ENAH: variants seen among roughly 807,000 people sequenced by gnomAD.
ENAH encodes protein enabled homolog.
Under a neutral mutation model 78.7 loss-of-function variants are expected in ENAH, and 23 were observed. The ratio of observed to expected loss-of-function variants is 0.29; its 90% CI spans 0.21 to 0.41. The LOEUF is 0.41. Among genes scored for constraint, ENAH ranks in the 10% least tolerant of loss-of-function variants. ENAH has a pLI of 1.00. For synonymous variants in ENAH, 226 were observed against 241.0 expected, an observed-to-expected ratio of 0.94 and a Z score of 0.58; for missense variants, 544 against 691.0, an observed-to-expected ratio of 0.79 and a Z score of 2.39.
chr1:225,600,126 A>G (rs905293804), intron 1 of ENAH, among the ~76,000 whole-genome samples: 2 of 152,222 alleles, frequency 1.3e-5, no homozygotes, highest in African/African-American at 2.4e-5. Context: ...CCATGAGCCA[A>G]TTAAACCTCT....
chr1:225,546,657 G>C (rs1237338184), intron 3 of ENAH, among the ~76,000 whole-genome samples: 1 of 152,174 alleles, frequency 6.6e-6, no homozygotes, highest in African/African-American at 2.4e-5. Context: ...AGGCTTTGAG[G>C]TATAACAGGT....
chr1:225,636,708 C>T (rs1394266170), intron 1 of ENAH, among the ~76,000 whole-genome samples: 1 of 151,964 alleles, frequency 6.6e-6, no homozygotes, highest in East Asian at 1.9e-4. Context: ...AATGAGAAGG[C>T]CAAAAACAAT....
In ENAH at chr1:225,530,631, T is replaced by C. The variant is rs774674945; in HGVS notation, c.357A>G (p.Thr119=). 1 of 1,612,684 alleles carries C rather than the reference T, an allele frequency of 6.2e-7. No homozygotes were observed. The highest frequency in any genetic ancestry group is 8.5e-7 in the Non-Finnish European group (1 of 1,178,850). The change falls in exon 4 of 14, where the codon ACA becomes ACG. Residue 119 remains threonine (T), a synonymous_variant. Coordinates refer to ENST00000366843, the MANE Select transcript of ENAH (RefSeq NM_018212.6). ...EVLNSQETGP[T]LPRQNSQLPA... ...GTAGTTGTGAGTTTTGTCTAGGCAATGTTGGCCCTACAGAGGGAGAAAACA... is the reference window on the plus strand; with the variant it reads ...GTAGTTGTGAGTTTTGTCTAGGCAACGTTGGCCCTACAGAGGGAGAAAACA...
At chr1:225,552,133 T>TG (rs2096643602) in intron 3 of ENAH, among the ~76,000 whole-genome samples, 1 of 82,866 alleles carries the variant, frequency 1.2e-5, no homozygotes, top group Non-Finnish European at 2.3e-5. Context: ...CACTCCTGAT[T>TG]CTTTTTTTTT....
chr1:225,582,080 G>A (rs571362152), intron 1 of ENAH, among the ~76,000 whole-genome samples: 66 of 152,150 alleles, frequency 4.3e-4, no homozygotes, highest in African/African-American at 1.5e-3. Context: ...AATGAGGGTC[G>A]TCCTTTCTGA....
intron 1 of ENAH, among the ~76,000 whole-genome samples, chr1:225,586,458 A>G (rs2096847493): frequency 6.6e-6 from 1 of 152,136 alleles, no homozygotes; most frequent in African/African-American, 2.4e-5. Context: ...ACTCTCAAAA[A>G]AATAAAGAAG....
intron 1 of ENAH, among the ~76,000 whole-genome samples, chr1:225,609,579 A>T (rs1436779971): frequency 6.6e-6 from 1 of 152,144 alleles, no homozygotes; most frequent in Non-Finnish European, 1.5e-5. Flanking sequence ...TCTGGAAATT[A>T]AAAACTACCA....
At chr1:225,578,570 C>G (rs1308527187) in intron 1 of ENAH, among the ~76,000 whole-genome samples, 1 of 152,090 alleles carries the variant, frequency 6.6e-6, no homozygotes, top group African/African-American at 2.4e-5. Flanking sequence ...TCTAGCTGGC[C>G]ACATAATGAC....
intron 1 of ENAH, among the ~76,000 whole-genome samples, chr1:225,610,917 C>A (rs535678421): frequency 6.6e-6 from 1 of 152,234 alleles, no homozygotes; most frequent in South Asian, 2.1e-4. Flanking sequence ...GTATTTCACA[C>A]AATAGAATAA....
chr1:225,550,077 T>A (rs896525484), intron 3 of ENAH, among the ~76,000 whole-genome samples: 3 of 152,192 alleles, frequency 2.0e-5, no homozygotes, highest in Non-Finnish European at 4.4e-5. Flanking sequence ...GCCCTGCTCC[T>A]GACCCCCACC....
At chr1:225,626,723 C>T in intron 1 of ENAH, among the ~76,000 whole-genome samples, 1 of 152,314 alleles carries the variant, frequency 6.6e-6, no homozygotes, top group South Asian at 2.1e-4. Flanking sequence ...TTTGGAAAAC[C>T]AAGTGACTTC....
chr1:225,581,279 C>T (rs912791731), intron 1 of ENAH: 38 of 984,936 alleles, frequency 3.9e-5, no homozygotes, highest in South Asian at 4.7e-5. Flanking sequence ...CTTTTCCTCA[C>T]ATTATTTTCA....
chr1:225,617,196 A>T (rs1268433141), intron 1 of ENAH, among the ~76,000 whole-genome samples: 1 of 152,244 alleles, frequency 6.6e-6, no homozygotes. Flanking sequence ...AGAAAAGGAC[A>T]TTTCCATCTG....
chr1:225,604,854 T>C (rs1432774582), intron 1 of ENAH, among the ~76,000 whole-genome samples: 1 of 151,960 alleles, frequency 6.6e-6, no homozygotes, highest in East Asian at 1.9e-4. Context: ...GATAAAGATA[T>C]GAAAAACATT....
intron 1 of ENAH, among the ~76,000 whole-genome samples, chr1:225,578,444 C>T (rs981254665): frequency 6.6e-6 from 1 of 152,134 alleles, no homozygotes; most frequent in African/African-American, 2.4e-5. Flanking sequence ...CACTGCATTC[C>T]AGCTTGGGCG....
intron 1 of ENAH, chr1:225,652,377 G>A (rs561523104): frequency 2.2e-5 from 22 of 985,388 alleles, no homozygotes; most frequent in Middle Eastern, 5.2e-4. Flanking sequence ...CCCGGGTTTC[G>A]CTTGCAAAGG....
At chr1:225,503,927 A>AAT (rs2096304988) in intron 11 of ENAH, among the ~76,000 whole-genome samples, 1 of 152,076 alleles carries the variant, frequency 6.6e-6, no homozygotes, top group African/African-American at 2.4e-5. Context: ...AAATAACATA[A>AAT]ATATATTTCA....
Position 225,494,098 on chromosome 1 carries a change from A to G in ENAH, c.*3677T>C, listed in dbSNP as rs989543752. On this transcript the variant is annotated 3_prime_UTR_variant, in exon 14 of 14. Transcript: ENST00000366843. Reference sequence around the variant, plus strand: ...AAAAAAAAAAACAGCTGAAAATTTTACAACTGTAACTCTGTAATGGCTGCA... The same window carrying G: ...AAAAAAAAAAACAGCTGAAAATTTTGCAACTGTAACTCTGTAATGGCTGCA... 1.4e-5 allele frequency: 2 copies of G among 146,260 alleles called. No individual in the cohort carries two copies. Among genetic ancestry groups the G allele is most frequent in the African/African-American group, 2.5e-5 (1 of 39,616 alleles). The allele number at this position is 146,260 out of a possible 1,614,324, so 9.1% of individuals were successfully genotyped here.
intron 1 of ENAH, among the ~76,000 whole-genome samples, chr1:225,602,315 T>C (rs1490499151): frequency 6.6e-6 from 1 of 152,190 alleles, no homozygotes; most frequent in African/African-American, 2.4e-5. Flanking sequence ...AGAAACATTC[T>C]ATTCTTATCT....
Sources: allele counts gnomAD v4.1 joint callset (sites outside exome capture counted in the v4.1 genomes callset), GRCh38; gene constraint gnomAD v4.1.1; transcripts MANE v1.5; gene names NCBI Gene and HGNC (gene_info 2026-07-23, HGNC 2026-07-21).